Variants in PLCB4 observed in about 807,000 individuals in gnomAD.
PLCB4 encodes phospholipase C beta 4.
A neutral mutation model predicts 178.8 loss-of-function variants in PLCB4; 77 were observed. That is an observed-to-expected ratio of 0.43 (90% confidence interval 0.36 to 0.52). The LOEUF (loss-of-function observed/expected upper bound fraction) is 0.52, where lower values mean the gene tolerates loss of function less well. Among genes scored for constraint, PLCB4 ranks in the 20% least tolerant of loss-of-function variants. PLCB4 has a pLI of 0.00. For missense variants in PLCB4, 1,024 were observed against 1,453.4 expected (o/e 0.70, Z 4.80); for synonymous variants, 496 against 490.8 (o/e 1.01, Z -0.14).
chr20:9,083,856 A>T (rs1174286276), intron 1 of PLCB4, among the ~76,000 whole-genome samples: 2 of 152,194 alleles, frequency 1.3e-5, no homozygotes, highest in Non-Finnish European at 2.9e-5. Flanking sequence ...GCTTGCTGGC[A>T]CTGGCACCTT....
At chr20:9,090,039 C>T (rs536916968) in intron 1 of PLCB4, among the ~76,000 whole-genome samples, 2 of 152,236 alleles carry the variant, frequency 1.3e-5, no homozygotes, top group South Asian at 2.1e-4. Context: ...AGAAGTTGTA[C>T]GCAGAGTTCT....
chr20:9,455,603 GC>G (rs1274862029), intron 33 of PLCB4, among the ~76,000 whole-genome samples: 2 of 152,012 alleles, frequency 1.3e-5, no homozygotes, highest in Admixed American at 1.3e-4. Flanking sequence ...AGCAAATAAA[GC>G]CCTGTTTTAT....
At chr20:9,176,783 T>TA in intron 2 of PLCB4, among the ~76,000 whole-genome samples, 1 of 152,308 alleles carries the variant, frequency 6.6e-6, no homozygotes, top group East Asian at 1.9e-4. Context: ...TGCTGGCCAT[T>TA]ACTGACAGTC....
chr20:9,417,943 C>A (rs992165639), intron 25 of PLCB4, among the ~76,000 whole-genome samples: 1 of 152,134 alleles, frequency 6.6e-6, no homozygotes, highest in Non-Finnish European at 1.5e-5. Flanking sequence ...ATTCATTTCT[C>A]TGATGACTAA....
intron 2 of PLCB4, among the ~76,000 whole-genome samples, chr20:9,149,243 G>A (rs2092650463): frequency 6.6e-6 from 1 of 152,066 alleles, no homozygotes; most frequent in Admixed American, 6.6e-5. Context: ...GATCTCCACG[G>A]CTGTTGCCCT....
At chr20:9,127,675 T>TACCCATCCATCCATCC (rs2092156231) in intron 2 of PLCB4, among the ~76,000 whole-genome samples, 2 of 122,978 alleles carry the variant, frequency 1.6e-5, no homozygotes, top group African/African-American at 5.7e-5. Context: ...TCTATCTATC[T>TACCCATCCATCCATCC]ATCTATCTAT....
At chr20:9,364,178 C>T (rs2035584514) in intron 8 of PLCB4, among the ~76,000 whole-genome samples, 1 of 152,068 alleles carries the variant, frequency 6.6e-6, no homozygotes, top group South Asian at 2.1e-4. Context: ...TCTGCAGTTG[C>T]CCTGGCATGT....
intron 2 of PLCB4, among the ~76,000 whole-genome samples, chr20:9,211,082 T>C (rs755395255): frequency 1.3e-5 from 2 of 152,190 alleles, no homozygotes; most frequent in Non-Finnish European, 2.9e-5. Flanking sequence ...CCCACCCACT[T>C]TCTTTTTTTA....
At chr20:9,259,014 A>G (rs1012693712) in intron 3 of PLCB4, among the ~76,000 whole-genome samples, 2 of 152,192 alleles carry the variant, frequency 1.3e-5, no homozygotes, top group African/African-American at 4.8e-5. Context: ...AAAATCTAAG[A>G]CAATAGTTAT....
chr20:9,070,749 A>G (rs1182590751), intron 1 of PLCB4, among the ~76,000 whole-genome samples: 13 of 152,186 alleles, frequency 8.5e-5, no homozygotes, highest in Admixed American at 8.5e-4. Flanking sequence ...GTATTATAAC[A>G]TATCTAAAGG....
chr20:9,186,066 G>A (rs969562775), intron 2 of PLCB4, among the ~76,000 whole-genome samples: 1 of 152,124 alleles, frequency 6.6e-6, no homozygotes, highest in Non-Finnish European at 1.5e-5. Flanking sequence ...TGTTCACCAA[G>A]CACTTAGAAA....
rs536186129 is a variant in PLCB4 at position 9,421,534 on chromosome 20, G to A, written c.2319+73G>A. The A allele has an allele frequency of 6.5e-5, 76 of 1,163,452 alleles. 2 individuals carry two copies. In the African/African-American group the frequency reaches 9.7e-4, roughly 15 times the overall value. 72.1% of individuals were successfully genotyped at this position (1,163,452 alleles called of 1,614,324 possible). The stretch of plus-strand genomic sequence containing the variant: ...ATGTTTTAGTTCACAGACGCTACAC[G>A]ATACAGGGGCACTTATTCAACCGAC... On this transcript the variant is annotated intron_variant, in intron 27 of 39. Coordinates refer to ENST00000378473, the MANE Select transcript of PLCB4 (RefSeq NM_001377142.1).
intron 26 of PLCB4, among the ~76,000 whole-genome samples, chr20:9,420,729 CTAA>C (rs1200984368): frequency 6.6e-6 from 1 of 152,126 alleles, no homozygotes; most frequent in Non-Finnish European, 1.5e-5. Flanking sequence ...ACAAAAAACC[CTAA>C]TAAGTGGCTA....
chr20:9,085,155 A>G (rs1486694784), intron 1 of PLCB4, among the ~76,000 whole-genome samples: 1 of 152,122 alleles, frequency 6.6e-6, no homozygotes, highest in African/African-American at 2.4e-5. Flanking sequence ...TAGGTAATGC[A>G]TACATTTGAT....
chr20:9,094,484 CTG>C (rs1226570130), intron 1 of PLCB4, among the ~76,000 whole-genome samples: 2 of 152,026 alleles, frequency 1.3e-5, no homozygotes, highest in Non-Finnish European at 2.9e-5. Flanking sequence ...GCATTTCTCT[CTG>C]TATTTTCACA....
At chr20:9,291,969 A>G (rs2094583665) in intron 3 of PLCB4, among the ~76,000 whole-genome samples, 1 of 152,222 alleles carries the variant, frequency 6.6e-6, no homozygotes, top group Non-Finnish European at 1.5e-5. Flanking sequence ...TCTATTTATA[A>G]AAGTAGCTTG....
At chr20:9,112,539 C>T (rs967113391) in intron 2 of PLCB4, among the ~76,000 whole-genome samples, 1 of 152,112 alleles carries the variant, frequency 6.6e-6, no homozygotes, top group Admixed American at 6.5e-5. Context: ...CAGGTATGAG[C>T]CACTGTGCCT....
At chr20:9,298,003 T>C (rs2094658949) in intron 3 of PLCB4, among the ~76,000 whole-genome samples, 2 of 152,084 alleles carry the variant, frequency 1.3e-5, no homozygotes, top group African/African-American at 4.8e-5. Context: ...CCTGAAAACA[T>C]GGCACCTTGA....
intron 7 of PLCB4, among the ~76,000 whole-genome samples, chr20:9,341,765 G>C (rs1378161938): frequency 6.6e-6 from 1 of 152,024 alleles, no homozygotes; most frequent in South Asian, 2.1e-4. Context: ...GTGGGGGGAT[G>C]TATACTTCAA....
Sources: allele counts gnomAD v4.1 joint callset (sites outside exome capture counted in the v4.1 genomes callset), GRCh38; gene constraint gnomAD v4.1.1; transcripts MANE v1.5; gene names NCBI Gene and HGNC (gene_info 2026-07-23, HGNC 2026-07-21).